The following SPAG9 variants were observed in gnomAD, a reference collection of about 807,000 sequenced individuals.
The protein encoded by SPAG9 is C-Jun-amino-terminal kinase-interacting protein 4.
A neutral mutation model predicts 166.5 loss-of-function variants in SPAG9; 35 were observed. The observed-to-expected ratio is 0.21, with a 90% CI of 0.16 to 0.28. SPAG9 has a LOEUF of 0.28. SPAG9 is among the 10% of genes least tolerant of loss of function. The probability of loss-of-function intolerance (pLI) is 1.00; values close to 1 mark genes in which losing one functional copy is unlikely to be tolerated. For synonymous variants in SPAG9, 534 were observed against 565.5 expected (o/e 0.94, Z 0.79); for missense variants, 1,235 against 1,603.3 (o/e 0.77, Z 3.92).
intron 1 of SPAG9, among the ~76,000 whole-genome samples, chr17:51,082,422 C>T (rs2048191997): frequency 6.7e-6 from 1 of 149,538 alleles, no homozygotes; most frequent in Non-Finnish European, 1.5e-5. Flanking sequence ...TACCTACTCC[C>T]TATCTCTCCT....
At chr17:51,091,492 T>TG (rs1410099694) in intron 1 of SPAG9, among the ~76,000 whole-genome samples, 5 of 151,816 alleles carry the variant, frequency 3.3e-5, no homozygotes, top group African/African-American at 1.2e-4. Context: ...TTTCTGTTTT[T>TG]TTGTTGTTGT....
intron 4 of SPAG9, among the ~76,000 whole-genome samples, chr17:51,045,073 C>T (rs1020055988): frequency 6.6e-6 from 1 of 152,152 alleles, no homozygotes; most frequent in Non-Finnish European, 1.5e-5. Context: ...AACCACCCAA[C>T]GGGGTAAGTC....
chr17:51,037,701 TG>T (rs1568028457), intron 5 of SPAG9, among the ~76,000 whole-genome samples: 13 of 107,382 alleles, frequency 1.2e-4, no homozygotes, highest in African/African-American at 4.0e-4. Flanking sequence ...TGTGTGTGTG[TG>T]TGTGTGTGTG....
At chr17:51,086,601 C>A (rs181660180) in intron 1 of SPAG9, among the ~76,000 whole-genome samples, 1 of 151,644 alleles carries the variant, frequency 6.6e-6, no homozygotes, top group African/African-American at 2.4e-5. Flanking sequence ...TGTAATGAGC[C>A]GACATCCCAC....
intron 27 of SPAG9, chr17:50,976,543 T>A (rs1056587314): frequency 1.3e-5 from 2 of 153,126 alleles, no homozygotes; most frequent in African/African-American, 4.8e-5. Flanking sequence ...TTCCCTGCCA[T>A]GAATTTTGCA....
chr17:50,999,259 A>G (rs1427231935), intron 14 of SPAG9, among the ~76,000 whole-genome samples: 1 of 152,172 alleles, frequency 6.6e-6, no homozygotes, highest in African/African-American at 2.4e-5. Context: ...AATATTACTC[A>G]AACCCTACAA....
At position 50,985,627 on chromosome 17, in the gene SPAG9, CAA is replaced by C. The variant is rs1321800693; in HGVS notation, c.3020+69_3020+70del. 7.1e-6 allele frequency: 6 copies of C among 842,104 alleles called. No homozygotes were observed. The African/African-American group carries it at 8.6e-5, about 12-fold the overall frequency. 52.2% of individuals were successfully genotyped at this position (842,104 alleles called of 1,614,324 possible). ...TAGTCGTGAAACATGTATTAGCTTT[CAA>C]AGTCTTAAAATCTAGTTTATACCAA... is the stretch of plus-strand genomic sequence containing the variant. On this transcript the variant is annotated intron_variant, in intron 23 of 29. Coordinates refer to ENST00000262013, the MANE Select transcript of SPAG9 (RefSeq NM_001130528.3).
rs148126491 is a variant in SPAG9 at position 50,987,350 on chromosome 17, A to AT, written c.2814-114dup. The AT allele has an allele frequency of 0.016, 16,203 of 992,276 alleles. 1,200 individuals are homozygous for AT. The African/African-American group carries it at 0.2, about 12-fold the overall frequency. 61.5% of individuals were successfully genotyped at this position (992,276 alleles called of 1,614,324 possible). A position where few individuals can be genotyped will look rare whatever the true frequency, so the allele number is the denominator to read the frequency against. On this transcript the variant is annotated intron_variant, in intron 21 of 29. Transcript: ENST00000262013. ...TTGTTCATTTGTTTATTATTTATTT[A>AT]TTTTTTAGAGATAGGGTATCACTCT...
At chr17:51,103,871 C>G (rs1160154785) in intron 1 of SPAG9, among the ~76,000 whole-genome samples, 1 of 152,060 alleles carries the variant, frequency 6.6e-6, no homozygotes, top group Non-Finnish European at 1.5e-5. Context: ...GAAAAATTTC[C>G]CTGGCACTTT....
At chr17:51,001,877 G>T (rs1315215937) in intron 12 of SPAG9, 32 bp from the exon 13 acceptor site, 1 of 1,599,928 alleles carries the variant, frequency 6.3e-7, no homozygotes, top group African/African-American at 1.3e-5. Context: ...ATATCATTCT[G>T]GAAGCTTATA....
chr17:51,087,965 G>A (rs972754905), intron 1 of SPAG9, among the ~76,000 whole-genome samples: 1 of 152,010 alleles, frequency 6.6e-6, no homozygotes, highest in Non-Finnish European at 1.5e-5. Context: ...GCCTGGTCTC[G>A]AATTCCTGAG....
chr17:51,066,567 G>GAAAAAA (rs71149340), intron 2 of SPAG9, among the ~76,000 whole-genome samples: 8,358 of 110,694 alleles, frequency 0.076, 1,476 homozygotes, highest in African/African-American at 0.27. Context: ...AAAAAAAAAA[G>GAAAAAA]AAAAAAAAAA....
intron 1 of SPAG9, among the ~76,000 whole-genome samples, chr17:51,095,797 G>T (rs2048601078): frequency 7.0e-6 from 1 of 142,968 alleles, no homozygotes; most frequent in African/African-American, 2.5e-5. Flanking sequence ...TATACGTATA[G>T]TGATATATAG....
At chr17:51,085,157 T>C (rs1485168005) in intron 1 of SPAG9, 3 of 152,244 alleles carry the variant, frequency 2.0e-5, no homozygotes, top group African/African-American at 7.2e-5. Flanking sequence ...CCAGAAATTC[T>C]TATCTTAGGC....
chr17:51,087,522 A>T (rs182922221), intron 1 of SPAG9, among the ~76,000 whole-genome samples: 4 of 152,240 alleles, frequency 2.6e-5, no homozygotes, highest in Admixed American at 2.6e-4. Context: ...CTTTGTCTCT[A>T]TACCTAACCT....
intron 6 of SPAG9, among the ~76,000 whole-genome samples, chr17:51,026,669 CTTTTCTTTTTTT>C (rs1282588056): frequency 6.1e-5 from 8 of 131,042 alleles, no homozygotes; most frequent in Non-Finnish European, 1.2e-4. Flanking sequence ...TTTTCTTTTT[CTTTTCTTTTTTT>C]TTTTTTTTTT....
At chr17:50,973,976 C>T (rs1411592958) in intron 28 of SPAG9, among the ~76,000 whole-genome samples, 2 of 152,202 alleles carry the variant, frequency 1.3e-5, no homozygotes, top group Non-Finnish European at 2.9e-5. Context: ...GGTTCTGTTT[C>T]TCTGAAGAAC....
At chr17:51,002,056 C>T (rs2044978143) in intron 12 of SPAG9, among the ~76,000 whole-genome samples, 1 of 152,076 alleles carries the variant, frequency 6.6e-6, no homozygotes, top group African/African-American at 2.4e-5. Context: ...TGATCTGTTG[C>T]CCACCCTGAA....
chr17:51,070,335 A>C (rs1050420740), intron 2 of SPAG9, among the ~76,000 whole-genome samples: 2 of 152,312 alleles, frequency 1.3e-5, no homozygotes, highest in Non-Finnish European at 2.9e-5. Context: ...CTTCAAATTC[A>C]TAAGTTATGA....
Sources: gnomAD v4.1 joint callset for allele counts (sites outside exome capture counted in the v4.1 genomes callset) on GRCh38, gnomAD v4.1.1 for gene constraint, MANE v1.5 for transcripts, NCBI Gene and HGNC (gene_info 2026-07-23, HGNC 2026-07-21) for gene names.